SAMD4A: variants seen among roughly 807,000 people sequenced by gnomAD.
SAMD4A encodes sterile alpha motif domain containing 4A.
In SAMD4A, 33 loss-of-function variants were observed where a neutral mutation model predicts 81.3. The ratio of observed to expected loss-of-function variants is 0.41; its 90% CI spans 0.31 to 0.54. The LOEUF is 0.54. Among genes scored for constraint, SAMD4A ranks in the 20% least tolerant of loss-of-function variants. SAMD4A has a pLI of 0.37. For synonymous variants in SAMD4A, 389 were observed against 382.1 expected, an observed-to-expected ratio of 1.02 and a Z score of -0.21; for missense variants, 854 against 951.1, an observed-to-expected ratio of 0.90 and a Z score of 1.34.
chr14:54,761,913 T>G (rs1432090871), intron 7 of SAMD4A, among the ~76,000 whole-genome samples: 1 of 152,206 alleles, frequency 6.6e-6, no homozygotes, highest in Non-Finnish European at 1.5e-5. Context: ...TTTGCTTGAC[T>G]GTATCTTCAT....
chr14:54,786,623 C>A (rs187347372), intron 12 of SAMD4A, among the ~76,000 whole-genome samples: 18 of 152,288 alleles, frequency 1.2e-4, no homozygotes, highest in African/African-American at 3.6e-4. Flanking sequence ...CTCAGTCTTT[C>A]ACTGCTTTTG....
intron 2 of SAMD4A, among the ~76,000 whole-genome samples, chr14:54,635,543 C>T (rs941701732): frequency 2.0e-5 from 3 of 147,152 alleles, no homozygotes; most frequent in African/African-American, 5.3e-5. Flanking sequence ...TGTGGTCAGG[C>T]GTTCGAGACC....
At position 54,776,469 on chromosome 14, in the gene SAMD4A, G is replaced by T; in HGVS notation, c.1973G>T (p.Ser658Ile). 6.3e-7 allele frequency: 1 copy of T among 1,596,188 alleles called. No homozygotes were observed. Among genetic ancestry groups the T allele is most frequent in the Non-Finnish European group, 8.5e-7 (1 of 1,172,214 alleles). ...GSNSMPSRTHSSVQRTRSLPV... is the reference protein window; with the variant it reads ...GSNSMPSRTHISVQRTRSLPV... ...AATAGCATGCCAAGCCGCACCCACA[G>T]CTCAGTCCAGAGGACCCGCTCGCTG... The change falls in exon 11 of 13, where the codon AGC becomes ATC. Residue 658 changes from serine to isoleucine, a missense_variant. Around this residue, in one of 3 missense-constraint regions of SAMD4A, gnomAD observed 428 missense variants for 471.2 expected, o/e 0.91. Transcript: ENST00000554335.
intron 2 of SAMD4A, among the ~76,000 whole-genome samples, chr14:54,637,522 G>A (rs1477159657): frequency 6.6e-6 from 1 of 152,104 alleles, no homozygotes; most frequent in Non-Finnish European, 1.5e-5. Flanking sequence ...AGTGTCCAAA[G>A]CATCTGAGAG....
At chr14:54,709,421 T>G (rs2036935663) in intron 3 of SAMD4A, among the ~76,000 whole-genome samples, 1 of 151,908 alleles carries the variant, frequency 6.6e-6, no homozygotes, top group South Asian at 2.1e-4. Context: ...TCTACGTATT[T>G]TCATTCATCG....
At position 54,772,047 on chromosome 14, in the gene SAMD4A, G is replaced by A. The variant is rs149316834; in HGVS notation, c.1715+1825G>A. On this transcript the variant is annotated intron_variant, in intron 9 of 12. Transcript: ENST00000554335. ...TCAACTGGATGTTACTATAAGGCTG[G>A]AAAATGTTTTATACTCATAAGTATT... Among the ~76,000 whole-genome samples, 1,502 of 152,316 alleles carry A rather than the reference G, an allele frequency of 9.9e-3. 34 individuals carry two copies. The highest frequency in any genetic ancestry group is 0.035 in the African/African-American group (1,436 of 41,566).
At chr14:54,772,269 G>A (rs2038725788) in intron 9 of SAMD4A, among the ~76,000 whole-genome samples, 1 of 152,176 alleles carries the variant, frequency 6.6e-6, no homozygotes, top group African/African-American at 2.4e-5. Flanking sequence ...GAAAGGTAAG[G>A]CAAGAGAATG....
chr14:54,768,312 C>T (rs930396019), intron 8 of SAMD4A, among the ~76,000 whole-genome samples: 2 of 152,190 alleles, frequency 1.3e-5, no homozygotes, highest in South Asian at 2.1e-4. Context: ...CTATTTGAAC[C>T]GTTATTAAGA....
intron 2 of SAMD4A, chr14:54,688,416 G>A: frequency 1.0e-6 from 1 of 953,104 alleles, no homozygotes; most frequent in South Asian, 4.9e-5. Flanking sequence ...GTGAGGGTGT[G>A]AGCCTGTGGT....
intron 2 of SAMD4A, among the ~76,000 whole-genome samples, chr14:54,626,062 G>T (rs1323461640): frequency 1.1e-5 from 1 of 94,894 alleles, no homozygotes; most frequent in East Asian, 2.2e-4. Context: ...GTGTGTGTGC[G>T]CGCGCGCGCG....
chr14:54,574,503 A>G (rs1196299244), intron 2 of SAMD4A, among the ~76,000 whole-genome samples: 1 of 152,168 alleles, frequency 6.6e-6, no homozygotes, highest in East Asian at 1.9e-4. Context: ...CCTTTGAAGG[A>G]TGAATGTGAA....
At chr14:54,649,824 C>T (rs997142069) in intron 2 of SAMD4A, among the ~76,000 whole-genome samples, 1 of 152,168 alleles carries the variant, frequency 6.6e-6, no homozygotes, top group African/African-American at 2.4e-5. Flanking sequence ...AAGTATTTGT[C>T]ACACAATCAT....
intron 3 of SAMD4A, among the ~76,000 whole-genome samples, chr14:54,723,116 C>A (rs965100409): frequency 4.6e-5 from 7 of 151,088 alleles, no homozygotes; most frequent in African/African-American, 1.7e-4. Flanking sequence ...AAAAAAAAAA[C>A]CCATCTAGGT....
chr14:54,653,200 C>T (rs1239903669), intron 2 of SAMD4A, among the ~76,000 whole-genome samples: 1 of 151,870 alleles, frequency 6.6e-6, no homozygotes, highest in Non-Finnish European at 1.5e-5. Context: ...CAAAGAACAC[C>T]CCGGAGGTGT....
intron 2 of SAMD4A, among the ~76,000 whole-genome samples, chr14:54,619,881 T>A (rs2034575300): frequency 6.6e-6 from 1 of 152,242 alleles, no homozygotes; most frequent in African/African-American, 2.4e-5. Context: ...TATTTTGTTT[T>A]AACTGAAAGA....
chr14:54,693,289 A>G (rs1189455008), intron 2 of SAMD4A: 3 of 152,258 alleles, frequency 2.0e-5, no homozygotes, highest in African/African-American at 4.8e-5. Flanking sequence ...GTTGGTACCT[A>G]CTATTGTTTA....
At chr14:54,711,570 C>A (rs1421756792) in intron 3 of SAMD4A, among the ~76,000 whole-genome samples, 3 of 152,050 alleles carry the variant, frequency 2.0e-5, no homozygotes, top group Non-Finnish European at 4.4e-5. Flanking sequence ...AGTATTTCTG[C>A]AATTTCTTGT....
chr14:54,784,736 G>A, intron 12 of SAMD4A, 116 bp downstream of exon 12: 1 of 891,796 alleles, frequency 1.1e-6, no homozygotes, highest in Admixed American at 1.8e-5. Context: ...AGGACAAGGA[G>A]GGGTAGGCAG....
intron 3 of SAMD4A, among the ~76,000 whole-genome samples, chr14:54,725,483 C>CAG (rs2037391448): frequency 6.6e-6 from 1 of 152,222 alleles, no homozygotes; most frequent in Non-Finnish European, 1.5e-5. Context: ...TTCAGTATGA[C>CAG]AGACCATGAT....
Sources: gnomAD v4.1 joint callset for allele counts (sites outside exome capture counted in the v4.1 genomes callset) on GRCh38, gnomAD v4.1.1 for gene constraint, gnomAD v4.1.1 regional missense constraint, MANE v1.5 for transcripts, NCBI Gene and HGNC (gene_info 2026-07-23, HGNC 2026-07-21) for gene names.